RPS6KA2: variants seen among roughly 807,000 people sequenced by gnomAD.
The protein encoded by RPS6KA2 is ribosomal protein S6 kinase A2.
A neutral mutation model predicts 91.8 loss-of-function variants in RPS6KA2; 42 were observed. The ratio of observed to expected loss-of-function variants is 0.46; its 90% CI spans 0.36 to 0.59. RPS6KA2 has a LOEUF of 0.59. RPS6KA2 is among the 20% of genes least tolerant of loss of function. The pLI is 0.00. For synonymous variants in RPS6KA2, 414 were observed against 393.6 expected (o/e 1.05, Z -0.61); for missense variants, 798 against 978.5 (o/e 0.82, Z 2.46).
At chr6:166,432,281 G>C in intron 15 of RPS6KA2, 120 bp downstream of exon 15, 1 of 684,578 alleles carries the variant, frequency 1.5e-6, no homozygotes, top group South Asian at 1.8e-5. Flanking sequence ...ATATGTGGGT[G>C]GTGGAAACCA....
At chr6:166,505,315 CG>C (rs1436346510) in intron 5 of RPS6KA2, among the ~76,000 whole-genome samples, 1 of 152,108 alleles carries the variant, frequency 6.6e-6, no homozygotes, top group Admixed American at 6.5e-5. Flanking sequence ...GTCCATGTCC[CG>C]GGGGCTCACT....
chr6:166,586,780 A>G (rs1217956835), intron 1 of RPS6KA2, among the ~76,000 whole-genome samples: 5 of 152,256 alleles, frequency 3.3e-5, no homozygotes, highest in Admixed American at 3.3e-4. Flanking sequence ...TGACAAAGGT[A>G]ACACACATCA....
At chr6:166,532,258 C>T (rs987612772) in intron 2 of RPS6KA2, among the ~76,000 whole-genome samples, 3 of 152,220 alleles carry the variant, frequency 2.0e-5, no homozygotes, top group African/African-American at 7.2e-5. Context: ...TGTGGAGCAG[C>T]AGCCTCACCT....
At chr6:166,731,652 C>G (rs1472647607) in intron 2 of RPS6KA2, among the ~76,000 whole-genome samples, 1 of 152,002 alleles carries the variant, frequency 6.6e-6, no homozygotes, top group Non-Finnish European at 1.5e-5. Flanking sequence ...TCGCTCCATT[C>G]CTCAGGAGGT....
At chr6:166,784,927 C>G (rs1000215419) in intron 2 of RPS6KA2, among the ~76,000 whole-genome samples, 4 of 152,204 alleles carry the variant, frequency 2.6e-5, no homozygotes, top group African/African-American at 9.7e-5. Context: ...TTCCTGGCTT[C>G]TGTTGTACAC....
intron 2 of RPS6KA2, among the ~76,000 whole-genome samples, chr6:166,688,617 G>A (rs1789096878): frequency 6.6e-6 from 1 of 152,236 alleles, no homozygotes; most frequent in African/African-American, 2.4e-5. Context: ...TCACCATGAG[G>A]AGGTGACATG....
intron 2 of RPS6KA2, among the ~76,000 whole-genome samples, chr6:166,650,616 G>A (rs1326179840): frequency 2.0e-5 from 3 of 152,248 alleles, no homozygotes; most frequent in Admixed American, 2.0e-4. Flanking sequence ...ACTAGGGCCA[G>A]CCAGCGGCAT....
Position 166,560,769 on chromosome 6 carries a change from C to T in RPS6KA2, c.100-21985G>A, listed in dbSNP as rs560507582. ...CCAAGTGAACAGGAGGACTGGCTTC[C>T]TACCCCTGAATCTGCACCCCTCTTA... On this transcript the variant is annotated intron_variant, in intron 1 of 20. Coordinates refer to ENST00000265678, the MANE Select transcript of RPS6KA2 (RefSeq NM_021135.6). Among the ~76,000 whole-genome samples the T allele has an allele frequency of 1.7e-3, 260 of 152,270 alleles. 1 individual carries two copies. Among genetic ancestry groups the T allele is most frequent in the African/African-American group, 6.0e-3 (249 of 41,544 alleles).
chr6:166,858,462 A>C (rs999515761), intron 1 of RPS6KA2, among the ~76,000 whole-genome samples: 3 of 152,226 alleles, frequency 2.0e-5, no homozygotes, highest in African/African-American at 7.2e-5. Context: ...TCCTTTATAC[A>C]ACAGGTGGTA....
chr6:166,699,129 C>T (rs1009702848), intron 2 of RPS6KA2, among the ~76,000 whole-genome samples: 4 of 151,802 alleles, frequency 2.6e-5, no homozygotes, highest in Non-Finnish European at 5.9e-5. Flanking sequence ...AGAGGAGAGG[C>T]GGCATCATCA....
intron 1 of RPS6KA2, among the ~76,000 whole-genome samples, chr6:166,546,536 G>A (rs553282527): frequency 6.6e-6 from 1 of 151,186 alleles, no homozygotes; most frequent in African/African-American, 2.4e-5. Flanking sequence ...ACTAAGAGAT[G>A]AGAGAAAACT....
intron 2 of RPS6KA2, among the ~76,000 whole-genome samples, chr6:166,659,208 A>T (rs1178070399): frequency 1.3e-5 from 2 of 152,236 alleles, no homozygotes; most frequent in Non-Finnish European, 1.5e-5. Context: ...TAAGACAAAA[A>T]GTGCCATTTC....
intron 1 of RPS6KA2, among the ~76,000 whole-genome samples, chr6:166,574,634 C>G (rs1171167908): frequency 6.6e-6 from 1 of 152,106 alleles, no homozygotes; most frequent in African/African-American, 2.4e-5. Context: ...GTGCATGTGT[C>G]TTTTTGGTAG....
intron 2 of RPS6KA2, among the ~76,000 whole-genome samples, chr6:166,680,143 T>G (rs1376714990): frequency 1.3e-5 from 2 of 151,908 alleles, no homozygotes; most frequent in African/African-American, 4.8e-5. Context: ...GCTAAAGGTA[T>G]GTAAACGCAC....
intron 11 of RPS6KA2, among the ~76,000 whole-genome samples, chr6:166,464,412 G>T (rs1162070527): frequency 6.6e-6 from 1 of 152,176 alleles, no homozygotes; most frequent in Non-Finnish European, 1.5e-5. Context: ...TACTAGTATT[G>T]ATCATGAATA....
At chr6:166,467,922 A>G (rs895208033) in intron 11 of RPS6KA2, among the ~76,000 whole-genome samples, 5 of 152,254 alleles carry the variant, frequency 3.3e-5, no homozygotes, top group African/African-American at 1.2e-4. Context: ...GAAGCAGATC[A>G]TACGGGGAGA....
chr6:166,546,699 A>G (rs1783838592), intron 1 of RPS6KA2, among the ~76,000 whole-genome samples: 2 of 152,212 alleles, frequency 1.3e-5, no homozygotes, highest in Non-Finnish European at 2.9e-5. Flanking sequence ...TAGAAATTCT[A>G]CAACTATCAT....
chr6:166,479,332 G>A (rs568813523), intron 10 of RPS6KA2, among the ~76,000 whole-genome samples: 1 of 152,366 alleles, frequency 6.6e-6, no homozygotes, highest in East Asian at 1.9e-4. Flanking sequence ...CCCAGTGTCT[G>A]CCCAAGAGCC....
chr6:166,773,290 T>G (rs1778525335), intron 2 of RPS6KA2, among the ~76,000 whole-genome samples: 1 of 152,058 alleles, frequency 6.6e-6, no homozygotes, highest in Non-Finnish European at 1.5e-5. Context: ...GAAAGCCCAG[T>G]GTGCCCTAAT....
Sources: gnomAD v4.1 joint callset for allele counts (sites outside exome capture counted in the v4.1 genomes callset) on GRCh38, gnomAD v4.1.1 for gene constraint, MANE v1.5 for transcripts, NCBI Gene and HGNC (gene_info 2026-07-23, HGNC 2026-07-21) for gene names.